Variants in ZNF710 observed in about 807,000 individuals in gnomAD.
ZNF710 encodes the protein zinc finger protein 710.
Under a neutral mutation model 50.6 loss-of-function variants are expected in ZNF710, and 13 were observed. The ratio of observed to expected loss-of-function variants is 0.26; its 90% confidence interval spans 0.17 to 0.41. The LOEUF (loss-of-function observed/expected upper bound fraction) is 0.41. Among genes scored for constraint, ZNF710 ranks in the 10% least tolerant of loss-of-function variants. ZNF710 has a pLI of 1.00. For missense variants in ZNF710, 721 were observed against 936.6 expected, an observed-to-expected ratio of 0.77 and a Z score of 3.01; for synonymous variants, 383 against 397.0, an observed-to-expected ratio of 0.96 and a Z score of 0.42.
chr15:90,059,078 G>C lies in ZNF710; in HGVS notation c.-28-8032G>C, dbSNP rs543577996. On this transcript the variant is annotated intron_variant, in intron 1 of 4. Transcript: ENST00000268154. This position sits in a 1 kb window ranked among gnomAD's most constrained non-coding sequence, Gnocchi z 4.1. ...CAAGATGACGCATATGATTTACCAC[G>C]ACAGTGATGGTCTCAGGCTGAGAGA... Among the ~76,000 whole-genome samples the C allele has an allele frequency of 6.6e-6, 1 of 152,204 alleles. No homozygotes were observed. Among genetic ancestry groups the C allele is most frequent in the Non-Finnish European group, 1.5e-5 (1 of 68,050 alleles).
intron 1 of ZNF710, among the ~76,000 whole-genome samples, chr15:90,052,157 C>T (rs914554855): frequency 2.0e-5 from 3 of 152,134 alleles, no homozygotes; most frequent in Middle Eastern, 3.2e-3. Flanking sequence ...TGGCCTGATC[C>T]CTGGCGCAGC....
At chr15:90,002,946 T>C (rs1898051677) in intron 1 of ZNF710, among the ~76,000 whole-genome samples, 1 of 152,154 alleles carries the variant, frequency 6.6e-6, no homozygotes, top group African/African-American at 2.4e-5. Context: ...CGATCTCGGC[T>C]CACTGCAGCC....
At position 90,053,385 on chromosome 15, in the gene ZNF710, G is replaced by C. The variant is rs1899706799; in HGVS notation, c.-28-13725G>C. Among the ~76,000 whole-genome samples the C allele has an allele frequency of 2.0e-5, 3 of 149,078 alleles. No individual in the cohort carries two copies. In the South Asian group the frequency reaches 6.3e-4, roughly 32 times the overall value. ...TTCTTTTGAGACACGGTCTCACTCTGTCACCCGGGCTGGAGTACAGTGGTG... is the reference window on the plus strand; with the variant it reads ...TTCTTTTGAGACACGGTCTCACTCTCTCACCCGGGCTGGAGTACAGTGGTG... On this transcript the variant is annotated intron_variant, in intron 1 of 4. Transcript: ENST00000268154.
intron 1 of ZNF710, among the ~76,000 whole-genome samples, chr15:90,035,427 G>C (rs1899091836): frequency 6.6e-6 from 1 of 152,228 alleles, no homozygotes; most frequent in Non-Finnish European, 1.5e-5. Context: ...GCAGTGAGCT[G>C]GCTGCGGAAG....
At chr15:90,031,030 A>T (rs1898930534) in intron 1 of ZNF710, among the ~76,000 whole-genome samples, 1 of 149,326 alleles carries the variant, frequency 6.7e-6, no homozygotes, top group Non-Finnish European at 1.5e-5. Flanking sequence ...AAAAAAAAGA[A>T]AAAAAAAAAA....
In ZNF710 at chr15:90,045,475, T is replaced by C. The variant is rs1036708006; in HGVS notation, c.-28-21635T>C. 4.5e-6 allele frequency: 4 copies of C among 895,918 alleles called. No homozygotes were observed. In the African/African-American group the frequency reaches 7.3e-5, roughly 16 times the overall value. The allele number at this position is 895,918 out of a possible 1,614,324, so 55.5% of individuals were successfully genotyped here. On this transcript the variant is annotated intron_variant, in intron 1 of 4. Transcript: ENST00000268154. ...AACACTGAGGTGAGCGCAGAAGCCATGAGAGATGGTTTCTCTGAGGGAGTC... is the reference window on the plus strand; with the variant it reads ...AACACTGAGGTGAGCGCAGAAGCCACGAGAGATGGTTTCTCTGAGGGAGTC...
Position 90,034,623 on chromosome 15 carries a change from G to A in ZNF710, c.-28-32487G>A, listed in dbSNP as rs72758609. 3.1e-3 allele frequency among the ~76,000 whole-genome samples: 479 copies of A among 152,136 alleles called. 5 individuals carry two copies. Among genetic ancestry groups the A allele is most frequent in the African/African-American group, 0.011 (453 of 41,520 alleles). On this transcript the variant is annotated intron_variant, in intron 1 of 4. Transcript: ENST00000268154. The surrounding 1 kb of genome is among the most constrained non-coding windows in gnomAD (Gnocchi z 4.0). ...CTGGCAGCTTGGCTGAGCCTCCTCC[G>A]GCCTCTGCCTCACCCGCCAGCTCTT...
At chr15:90,056,741 A>G (rs1424007922) in intron 1 of ZNF710, among the ~76,000 whole-genome samples, 1 of 151,968 alleles carries the variant, frequency 6.6e-6, no homozygotes, top group Admixed American at 6.6e-5. Context: ...GCGGCACATT[A>G]CTCCTGTACT....
intron 1 of ZNF710, among the ~76,000 whole-genome samples, chr15:90,056,887 A>C (rs1013473477): frequency 3.3e-5 from 5 of 152,120 alleles, no homozygotes; most frequent in African/African-American, 1.2e-4. Flanking sequence ...AGGCCCACCC[A>C]ACTCACTTCA....
At chr15:90,050,560 T>C (rs903455849) in intron 1 of ZNF710, among the ~76,000 whole-genome samples, 6 of 152,092 alleles carry the variant, frequency 3.9e-5, no homozygotes, top group Non-Finnish European at 8.8e-5. Context: ...TCATCCTCAT[T>C]TGTCTAACGG....
intron 1 of ZNF710, among the ~76,000 whole-genome samples, chr15:90,015,414 C>T (rs763133861): frequency 2.0e-5 from 3 of 152,062 alleles, no homozygotes; most frequent in Non-Finnish European, 4.4e-5. Context: ...TAAAAGTGCA[C>T]GGGCAATTTC....
rs71405679 is a variant in ZNF710 at position 90,032,554 on chromosome 15, G to A, written c.-29+30940G>A. 4.1e-3 allele frequency among the ~76,000 whole-genome samples: 620 copies of A among 152,032 alleles called. 1 individual carries two copies. Among genetic ancestry groups the A allele is most frequent in the Non-Finnish European group, 5.9e-3 (398 of 67,970 alleles). ...GCACTTTGGGAGGCCTAGGCAGGAGGATCACTTGAGGTCAGGAGTTCGAGA... is the reference window on the plus strand; with the variant it reads ...GCACTTTGGGAGGCCTAGGCAGGAGAATCACTTGAGGTCAGGAGTTCGAGA... On this transcript the variant is annotated intron_variant, in intron 1 of 4. Coordinates refer to ENST00000268154, the MANE Select transcript of ZNF710 (RefSeq NM_198526.4).
intron 1 of ZNF710, among the ~76,000 whole-genome samples, chr15:90,012,481 A>G (rs1898337098): frequency 6.6e-6 from 1 of 151,884 alleles, no homozygotes; most frequent in African/African-American, 2.4e-5. Flanking sequence ...CGTGTTAGCC[A>G]GGATAGTCTC....
At position 90,062,341 on chromosome 15, in the gene ZNF710, C is replaced by T. The variant is rs191545744; in HGVS notation, c.-28-4769C>T. Among the ~76,000 whole-genome samples, 1 of 152,146 alleles carries T rather than the reference C, an allele frequency of 6.6e-6. No homozygotes were observed. Among genetic ancestry groups the T allele is most frequent in the South Asian group, 2.1e-4 (1 of 4,828 alleles). On this transcript the variant is annotated intron_variant, in intron 1 of 4. Coordinates refer to ENST00000268154, the MANE Select transcript of ZNF710 (RefSeq NM_198526.4). The surrounding 1 kb of genome is among the most constrained non-coding windows in gnomAD (Gnocchi z 5.6). The stretch of plus-strand genomic sequence containing the variant: ...TTGACTTTCTCCCCACCCTGGGGAC[C>T]GAGGGCATCCTGGTGGGAGGCCACG...
chr15:90,003,190 G>A (rs1251616796), intron 1 of ZNF710, among the ~76,000 whole-genome samples: 3 of 152,208 alleles, frequency 2.0e-5, no homozygotes, highest in Non-Finnish European at 4.4e-5. Context: ...GTCTGAGGGA[G>A]GCCTGCCGGG....
intron 1 of ZNF710, among the ~76,000 whole-genome samples, chr15:90,006,483 G>T (rs937438252): frequency 1.3e-5 from 2 of 152,160 alleles, no homozygotes; most frequent in Non-Finnish European, 2.9e-5. Context: ...TCCCGTCCTC[G>T]TGAAGCTTGC....
At chr15:90,020,163 C>T (rs1898571804) in intron 1 of ZNF710, among the ~76,000 whole-genome samples, 1 of 152,226 alleles carries the variant, frequency 6.6e-6, no homozygotes, top group East Asian at 1.9e-4. Flanking sequence ...CCTGTTCCCA[C>T]TGCTGACCGG....
At chr15:90,032,493 T>A (rs1424487711) in intron 1 of ZNF710, among the ~76,000 whole-genome samples, 2 of 151,946 alleles carry the variant, frequency 1.3e-5, no homozygotes, top group Non-Finnish European at 2.9e-5. Context: ...AATGTGTGTT[T>A]GGGGCTGGGC....
intron 1 of ZNF710, among the ~76,000 whole-genome samples, chr15:90,036,339 T>C (rs1899124982): frequency 1.3e-5 from 2 of 150,480 alleles, no homozygotes; most frequent in African/African-American, 4.9e-5. Flanking sequence ...TTCCATTCAC[T>C]TGGCGCTGTT....
Sources: gnomAD v4.1 joint callset for allele counts (sites outside exome capture counted in the v4.1 genomes callset) on GRCh38, gnomAD v4.1.1 for gene constraint, Gnocchi (gnomAD v3.1) non-coding constraint, MANE v1.5 for transcripts, NCBI Gene and HGNC (gene_info 2026-07-23, HGNC 2026-07-21) for gene names.